CDH18: variants seen among roughly 807,000 people sequenced by gnomAD.
CDH18 encodes cadherin 18, also known as cadherin-18.
Under a neutral mutation model 67.9 loss-of-function variants are expected in CDH18, and 31 were observed. The observed-to-expected ratio is 0.46, with a 90% CI of 0.34 to 0.62. The LOEUF (loss-of-function observed/expected upper bound fraction) is 0.62, where lower values mean the gene tolerates loss of function less well. CDH18 is among the 20% of genes least tolerant of loss of function. CDH18 has a pLI of 0.01. For missense variants in CDH18, 890 were observed against 975.5 expected, an observed-to-expected ratio of 0.91 and a Z score of 1.17; for synonymous variants, 362 against 347.2, an observed-to-expected ratio of 1.04 and a Z score of -0.48.
rs938951639 is a variant in CDH18 at position 19,845,258 on chromosome 5, T to G, written c.-256-6016A>C. On this transcript the variant is annotated intron_variant, in intron 2 of 12. Coordinates refer to ENST00000382275, the MANE Select transcript of CDH18 (RefSeq NM_004934.5). ...GGATATTTCCTAATTTCTCTTGACT[T>G]TTTTCTTTGACCCATTGGTTGTTCA... is the stretch of plus-strand genomic sequence containing the variant. 6.8e-4 allele frequency among the ~76,000 whole-genome samples: 104 copies of G among 152,158 alleles called. 1 individual carries two copies. Among genetic ancestry groups the G allele is most frequent in the Admixed American group, 2.6e-4 (4 of 15,264 alleles).
chr5:20,428,189 T>C (rs917305494), intron 1 of CDH18, among the ~76,000 whole-genome samples: 17 of 150,922 alleles, frequency 1.1e-4, no homozygotes, highest in Admixed American at 1.1e-3. Context: ...AGTGAGAACA[T>C]GTGCTGTTTA....
chr5:20,025,164 G>A (rs1174056142), intron 2 of CDH18, among the ~76,000 whole-genome samples: 1 of 151,978 alleles, frequency 6.6e-6, no homozygotes, highest in Non-Finnish European at 1.5e-5. Flanking sequence ...TTCATGCTTT[G>A]AGGCAGTAGC....
At chr5:19,747,830 C>A (rs1297273125) in intron 3 of CDH18, among the ~76,000 whole-genome samples, 1 of 151,352 alleles carries the variant, frequency 6.6e-6, no homozygotes, top group African/African-American at 2.4e-5. Flanking sequence ...TATTTTTGGC[C>A]AGGCACGGTG....
intron 1 of CDH18, among the ~76,000 whole-genome samples, chr5:20,468,896 A>G (rs746597055): frequency 3.3e-5 from 5 of 152,220 alleles, no homozygotes; most frequent in African/African-American, 4.8e-5. Context: ...TTTAAAATAC[A>G]TTAATCGAGG....
intron 9 of CDH18, among the ~76,000 whole-genome samples, chr5:19,540,923 T>A (rs750552302): frequency 6.6e-6 from 1 of 152,174 alleles, no homozygotes; most frequent in Non-Finnish European, 1.5e-5. Context: ...TTGTTACTTA[T>A]CCAAATTTCT....
chr5:19,522,473 TC>T (rs1214831034), intron 9 of CDH18, among the ~76,000 whole-genome samples: 4 of 152,134 alleles, frequency 2.6e-5, no homozygotes, highest in Non-Finnish European at 4.4e-5. Flanking sequence ...GGACATACCA[TC>T]CAGATTGATG....
At chr5:20,334,753 TACACACACAC>T (rs35282241) in intron 1 of CDH18, among the ~76,000 whole-genome samples, 4,001 of 138,400 alleles carry the variant, frequency 0.029, 165 homozygotes, top group African/African-American at 0.099. Context: ...CTCTCTCTCA[TACACACACAC>T]ACACACACAC....
rs990809978 is a variant in CDH18 at position 19,488,986 on chromosome 5, G to A, written c.1631-5434C>T. On this transcript the variant is annotated intron_variant, in intron 11 of 12. Coordinates refer to ENST00000382275, the MANE Select transcript of CDH18 (RefSeq NM_004934.5). ...AAACTACAAATGCATGATCCAATAT[G>A]TCATTATGTTCTGATCTGCACCCTG... is the stretch of plus-strand genomic sequence containing the variant. Among the ~76,000 whole-genome samples, 3 of 152,070 alleles carry A rather than the reference G, an allele frequency of 2.0e-5. No individual in the cohort carries two copies. The South Asian group carries it at 6.2e-4, about 32-fold the overall frequency.
chr5:20,270,876 T>C (rs959817785), intron 1 of CDH18, among the ~76,000 whole-genome samples: 1 of 152,068 alleles, frequency 6.6e-6, no homozygotes, highest in African/African-American at 2.4e-5. Context: ...CAACCTCTAA[T>C]GCAGGGATAC....
At chr5:20,293,766 A>C (rs1168077336) in intron 1 of CDH18, among the ~76,000 whole-genome samples, 1 of 152,156 alleles carries the variant, frequency 6.6e-6, no homozygotes, top group African/African-American at 2.4e-5. Context: ...TAGATAATTC[A>C]CTTCTTTTGA....
At chr5:20,213,434 G>T (rs900788908) in intron 2 of CDH18, among the ~76,000 whole-genome samples, 2 of 151,992 alleles carry the variant, frequency 1.3e-5, no homozygotes, top group African/African-American at 4.8e-5. Flanking sequence ...TCGAATTTTT[G>T]GAATACTTTC....
At chr5:19,679,927 A>G (rs1035064591) in intron 5 of CDH18, among the ~76,000 whole-genome samples, 2 of 152,096 alleles carry the variant, frequency 1.3e-5, no homozygotes, top group African/African-American at 4.8e-5. Context: ...TTTTCACAGC[A>G]TTAGAGAAAA....
At chr5:19,638,439 T>C (rs1274693477) in intron 5 of CDH18, among the ~76,000 whole-genome samples, 9 of 152,246 alleles carry the variant, frequency 5.9e-5, no homozygotes, top group African/African-American at 2.2e-4. Context: ...TTTCCCATGT[T>C]ATGTGGAAAG....
chr5:19,929,766 GCTTTA>G (rs1561577844), intron 2 of CDH18, among the ~76,000 whole-genome samples: 1 of 151,954 alleles, frequency 6.6e-6, no homozygotes, highest in African/African-American at 2.4e-5. Flanking sequence ...TGTAGGCTAG[GCTTTA>G]CCTCTTATTT....
At chr5:19,607,009 C>A (rs976840734) in intron 6 of CDH18, among the ~76,000 whole-genome samples, 1 of 151,470 alleles carries the variant, frequency 6.6e-6, no homozygotes, top group Non-Finnish European at 1.5e-5. Flanking sequence ...TGGTAAACAG[C>A]AAATTATATT....
chr5:19,979,137 A>C (rs928948493), intron 2 of CDH18, among the ~76,000 whole-genome samples: 2 of 152,088 alleles, frequency 1.3e-5, no homozygotes, highest in African/African-American at 4.8e-5. Context: ...AGAACTAGCT[A>C]ATCAAGCTGA....
Position 19,481,828 on chromosome 5 carries a change from G to A in CDH18, c.1882+1473C>T, listed in dbSNP as rs562980927. ...GTCAATTATCTTTTCATGTATGTCAGTACCATAAAAGGAATAAAAAACAGG... is the reference window on the plus strand; with the variant it reads ...GTCAATTATCTTTTCATGTATGTCAATACCATAAAAGGAATAAAAAACAGG... On this transcript the variant is annotated intron_variant, in intron 12 of 12. Coordinates refer to ENST00000382275, the MANE Select transcript of CDH18 (RefSeq NM_004934.5). Among the ~76,000 whole-genome samples, 6 of 152,068 alleles carry A rather than the reference G, an allele frequency of 3.9e-5. No homozygotes were observed. The South Asian group carries it at 1.2e-3, about 32-fold the overall frequency.
chr5:19,921,254 G>A (rs377340120), intron 2 of CDH18, among the ~76,000 whole-genome samples: 35 of 152,112 alleles, frequency 2.3e-4, no homozygotes, highest in Middle Eastern at 3.4e-3. Flanking sequence ...AAAACAGGCC[G>A]GGCATAGTGG....
At chr5:19,724,227 T>C (rs80021639) in intron 4 of CDH18, among the ~76,000 whole-genome samples, 1,892 of 152,264 alleles carry the variant, frequency 0.012, 38 homozygotes, top group African/African-American at 0.043. Context: ...GTATGAATCT[T>C]CAGGGAATCA....
Sources: allele counts gnomAD v4.1 joint callset (sites outside exome capture counted in the v4.1 genomes callset), GRCh38; gene constraint gnomAD v4.1.1; transcripts MANE v1.5; gene names NCBI Gene and HGNC (gene_info 2026-07-23, HGNC 2026-07-21).